Variants in AIFM2 observed in about 807,000 individuals in gnomAD.
AIFM2 encodes AIF family member 2, ferroptosis suppressor, also known as ferroptosis suppressor protein 1.
In AIFM2, 38 loss-of-function variants were observed where a neutral mutation model predicts 35.7. The observed-to-expected ratio is 1.06, with a 90% CI of 0.82 to 1.39. The LOEUF is 1.39. AIFM2 is among the 40% of genes most tolerant of loss of function. The pLI is 0.00. For missense variants in AIFM2, 476 were observed against 491.2 expected, an observed-to-expected ratio of 0.97 and a Z score of 0.29; for synonymous variants, 185 against 203.5, an observed-to-expected ratio of 0.91 and a Z score of 0.77.
chr10:70,119,688 G>T (rs1231509775), intron 5 of AIFM2, among the ~76,000 whole-genome samples: 1 of 152,154 alleles, frequency 6.6e-6, no homozygotes, highest in Non-Finnish European at 1.5e-5. Flanking sequence ...ATCCTCTATT[G>T]ATTTTTCTTT....
chr10:70,120,902 T>C (rs1397641205), intron 4 of AIFM2, among the ~76,000 whole-genome samples, 190 bp downstream of exon 4: 2 of 152,102 alleles, frequency 1.3e-5, no homozygotes, highest in African/African-American at 2.4e-5. Context: ...TTTAGGGTGC[T>C]CACATCCTGG....
intron 1 of AIFM2, among the ~76,000 whole-genome samples, chr10:70,129,174 G>T (rs2072601043): frequency 1.3e-5 from 2 of 148,254 alleles, no homozygotes; most frequent in Admixed American, 6.8e-5. Context: ...ATGTTGCCTA[G>T]GCTGATCTTG....
At chr10:70,126,492 A>G (rs1283372721) in intron 1 of AIFM2, among the ~76,000 whole-genome samples, 1 of 152,188 alleles carries the variant, frequency 6.6e-6, no homozygotes, top group East Asian at 1.9e-4. Context: ...CTGGAAGGCC[A>G]CTGCACTGCC....
Position 70,113,846 on chromosome 10 carries a change from A to G in AIFM2, c.*332T>C. On this transcript the variant is annotated 3_prime_UTR_variant, in exon 9 of 9. Coordinates refer to ENST00000307864, the MANE Select transcript of AIFM2 (RefSeq NM_032797.6). The stretch of plus-strand genomic sequence containing the variant: ...GCACGCGTCATGACCACAAGCACGT[A>G]CACACACATGCACATCCCAGAGGAG... 1 of 274,618 alleles carries G rather than the reference A, an allele frequency of 3.6e-6. No homozygotes were observed. Among genetic ancestry groups the G allele is most frequent in the Non-Finnish European group, 6.9e-6 (1 of 144,368 alleles). The allele number at this position is 274,618 out of a possible 1,614,324, so 17.0% of individuals were successfully genotyped here.
chr10:70,124,870 G>T (rs1398346708), intron 1 of AIFM2, among the ~76,000 whole-genome samples: 1 of 152,196 alleles, frequency 6.6e-6, no homozygotes, highest in Non-Finnish European at 1.5e-5. Flanking sequence ...GTTACGACAA[G>T]AATCCTGCAA....
intron 1 of AIFM2, among the ~76,000 whole-genome samples, chr10:70,129,018 T>C (rs2072599189): frequency 6.6e-6 from 1 of 152,088 alleles, no homozygotes; most frequent in African/African-American, 2.4e-5. Flanking sequence ...TATTTATTTA[T>C]TTACTTATTT....
At chr10:70,126,101 G>A (rs1055140574) in intron 1 of AIFM2, among the ~76,000 whole-genome samples, 1 of 152,248 alleles carries the variant, frequency 6.6e-6, no homozygotes, top group Non-Finnish European at 1.5e-5. Flanking sequence ...TAGGATGCTT[G>A]CAGTGTGGGC....
At chr10:70,128,524 A>C (rs146809452) in intron 1 of AIFM2, among the ~76,000 whole-genome samples, 1 of 152,264 alleles carries the variant, frequency 6.6e-6, no homozygotes, top group African/African-American at 2.4e-5. Flanking sequence ...ATGCCCGGCT[A>C]ATTGTTTTTT....
At chr10:70,121,952 C>T (rs991609976) in intron 3 of AIFM2, among the ~76,000 whole-genome samples, 1 of 151,624 alleles carries the variant, frequency 6.6e-6, no homozygotes, top group African/African-American at 2.4e-5. Context: ...ATTAGCTGGG[C>T]GTGGTGCCAT....
chr10:70,123,663 C>T lies in AIFM2; in HGVS notation c.179-143G>A, dbSNP rs960521861. The T allele has an allele frequency of 6.2e-6, 5 of 806,934 alleles. No individual in the cohort carries two copies. The Middle Eastern group carries it at 8.2e-4, about 132-fold the overall frequency. 50.0% of individuals were successfully genotyped at this position (806,934 alleles called of 1,614,324 possible). ...CGGGCCATTAGGTATGCCTGGGGTA[C>T]CCCTACTTCCTAAAATGCCAATCTG... On this transcript the variant is annotated intron_variant, in intron 2 of 8. Coordinates refer to ENST00000307864, the MANE Select transcript of AIFM2 (RefSeq NM_032797.6).
At chr10:70,130,192 T>A (rs567463391) in intron 1 of AIFM2, among the ~76,000 whole-genome samples, 48 of 151,948 alleles carry the variant, frequency 3.2e-4, no homozygotes, top group African/African-American at 7.2e-4. Flanking sequence ...CAAAAAAAAA[T>A]TTTTTTTAAT....
intron 3 of AIFM2, among the ~76,000 whole-genome samples, chr10:70,123,053 T>C (rs1017505184): frequency 2.0e-5 from 3 of 151,962 alleles, no homozygotes; most frequent in Admixed American, 6.6e-5. Context: ...TGAGATGGAG[T>C]CTCTGTCTGT....
At position 70,129,003 on chromosome 10, in the gene AIFM2, A is replaced by ATATT. The variant is rs551553903; in HGVS notation, c.-14+3727_-14+3730dup. Among the ~76,000 whole-genome samples, 153 of 152,222 alleles carry ATATT rather than the reference A, an allele frequency of 1.0e-3. 5 individuals carry two copies. The South Asian group carries it at 0.028, about 27-fold the overall frequency. On this transcript the variant is annotated intron_variant, in intron 1 of 8. Coordinates refer to ENST00000307864, the MANE Select transcript of AIFM2 (RefSeq NM_032797.6). The stretch of plus-strand genomic sequence containing the variant: ...AAAAAAGAAAAGAAAAAGTCAGGCA[A>ATATT]TATTTATTTATTTATTTACTTATTT...
At chr10:70,118,761 C>A (rs1350830254) in intron 5 of AIFM2, among the ~76,000 whole-genome samples, 1 of 152,144 alleles carries the variant, frequency 6.6e-6, no homozygotes, top group African/African-American at 2.4e-5. Flanking sequence ...ATCATTTGTT[C>A]TAATATTTGG....
At position 70,131,706 on chromosome 10, in the gene AIFM2, C is replaced by A. The variant is rs2136671504; in HGVS notation, c.-14+1028G>T. 6.6e-6 allele frequency among the ~76,000 whole-genome samples: 1 copy of A among 152,294 alleles called. No individual in the cohort carries two copies. ...CCCTGGAGTCCACCGGCCTGCCCAG[C>A]CCATCACTTCTGGGCTAGGTAGTGC... On this transcript the variant is annotated intron_variant, in intron 1 of 8. Coordinates refer to ENST00000307864, the MANE Select transcript of AIFM2 (RefSeq NM_032797.6). The surrounding 1 kb of genome is among the most constrained non-coding windows in gnomAD (Gnocchi z 4.1).
Position 70,117,722 on chromosome 10 carries a change from C to T in AIFM2, c.616+90G>A. ...AGAGAGAGCCTGGGGTGGACCATAG[C>T]CACCCTCCTGCTGGAAGCAGTCACC... On this transcript the variant is annotated intron_variant, in intron 6 of 8. Coordinates refer to ENST00000307864, the MANE Select transcript of AIFM2 (RefSeq NM_032797.6). The surrounding 1 kb of genome is among the most constrained non-coding windows in gnomAD (Gnocchi z 4.7). The T allele has an allele frequency of 1.8e-6, 2 of 1,085,118 alleles. No homozygotes were observed. The highest frequency in any genetic ancestry group is 2.6e-6 in the Non-Finnish European group (2 of 754,940). The allele number at this position is 1,085,118 out of a possible 1,614,324, so 67.2% of individuals were successfully genotyped here. A position where few individuals can be genotyped will look rare whatever the true frequency, so the allele number is the denominator to read the frequency against.
At chr10:70,123,821 G>C in intron 2 of AIFM2, 86 bp downstream of exon 2, 1 of 1,389,250 alleles carries the variant, frequency 7.2e-7, no homozygotes, top group Admixed American at 2.9e-5. Flanking sequence ...CCTAAATGGA[G>C]AAAACCACCC....
chr10:70,114,272 C>A lies in AIFM2; in HGVS notation c.1028G>T (p.Gly343Val). Residue 343 changes from glycine to valine, a missense_variant, in exon 9 of 9, where the codon GGC (glycine) becomes GTC (valine). Physicochemically the swap from Gly to Val is moderately radical, Grantham distance 109 (BLOSUM62 -3). Coordinates refer to ENST00000307864, the MANE Select transcript of AIFM2 (RefSeq NM_032797.6). ...GRNDGVGQIS[G>V]FYVGRLMVRL... ...AACCATGAGCCGGCCCACATAGAAG[C>A]CACTGATTTGGCCCACACCGTCATT... is the stretch of plus-strand genomic sequence containing the variant. 6.2e-7 allele frequency: 1 copy of A among 1,613,946 alleles called. No individual in the cohort carries two copies. The highest frequency in any genetic ancestry group is 8.5e-7 in the Non-Finnish European group (1 of 1,180,004).
At chr10:70,126,838 A>G (rs1171849249) in intron 1 of AIFM2, among the ~76,000 whole-genome samples, 6 of 152,212 alleles carry the variant, frequency 3.9e-5, no homozygotes, top group African/African-American at 1.4e-4. Flanking sequence ...CGTGGGTCAA[A>G]TGGTCCCCAA....
Sources: gnomAD v4.1 joint callset for allele counts (sites outside exome capture counted in the v4.1 genomes callset) on GRCh38, gnomAD v4.1.1 for gene constraint, Gnocchi (gnomAD v3.1) non-coding constraint, MANE v1.5 for transcripts, NCBI Gene and HGNC (gene_info 2026-07-23, HGNC 2026-07-21) for gene names.